Variants in CRIM1 observed in about 807,000 individuals in gnomAD.
CRIM1 encodes the protein cysteine rich transmembrane BMP regulator 1, also known as cysteine-rich motor neuron 1 protein.
In CRIM1, 32 loss-of-function variants were observed where a neutral mutation model predicts 116.4. That is an observed-to-expected ratio of 0.27 (90% CI 0.21 to 0.37). The LOEUF (loss-of-function observed/expected upper bound fraction) is 0.37, where lower values mean the gene tolerates loss of function less well. Ranked by LOEUF, CRIM1 falls within the 10% of genes least tolerant of loss-of-function variation. The pLI, the probability that CRIM1 is intolerant of heterozygous loss-of-function variation, is 1.00. For missense variants in CRIM1, 1,331 were observed against 1,354.8 expected, an observed-to-expected ratio of 0.98 and a Z score of 0.28; for synonymous variants, 590 against 509.2, an observed-to-expected ratio of 1.16 and a Z score of -2.13.
At chr2:36,434,899 C>T (rs556807260) in intron 2 of CRIM1, among the ~76,000 whole-genome samples, 2 of 152,214 alleles carry the variant, frequency 1.3e-5, no homozygotes, top group African/African-American at 4.8e-5. Context: ...TGCTTTCTCC[C>T]TTCTTTCATG....
intron 5 of CRIM1, among the ~76,000 whole-genome samples, chr2:36,474,115 A>C (rs995440401): frequency 6.6e-6 from 1 of 152,054 alleles, no homozygotes; most frequent in Non-Finnish European, 1.5e-5. Context: ...GCATCTTTTC[A>C]TGTGTTTATT....
At chr2:36,383,559 T>C (rs1198107135) in intron 1 of CRIM1, among the ~76,000 whole-genome samples, 2 of 152,214 alleles carry the variant, frequency 1.3e-5, no homozygotes, top group African/African-American at 4.8e-5. Context: ...CTCATTTATT[T>C]ACTTCAGCAA....
chr2:36,499,173 G>C, intron 7 of CRIM1, 46 bp from the exon 8 acceptor site: 1 of 1,467,716 alleles, frequency 6.8e-7, no homozygotes, highest in Non-Finnish European at 9.5e-7. Context: ...CATCTAAAAG[G>C]TAATCATATG....
intron 13 of CRIM1, among the ~76,000 whole-genome samples, chr2:36,526,652 C>T (rs999574636): frequency 3.3e-5 from 5 of 152,112 alleles, no homozygotes; most frequent in Non-Finnish European, 5.9e-5. Flanking sequence ...CTCTAATGTT[C>T]GTGTTGGTGA....
chr2:36,435,911 T>A (rs1430831986), intron 2 of CRIM1, among the ~76,000 whole-genome samples: 1 of 123,434 alleles, frequency 8.1e-6, no homozygotes, highest in Non-Finnish European at 1.6e-5. Flanking sequence ...TTGGTCTTTC[T>A]ATATCTGGGC....
intron 2 of CRIM1, among the ~76,000 whole-genome samples, chr2:36,421,362 CACTATT>C (rs1674051563): frequency 6.6e-6 from 1 of 152,104 alleles, no homozygotes; most frequent in African/African-American, 2.4e-5. Context: ...AATGCTTACT[CACTATT>C]ACAATTAATC....
intron 1 of CRIM1, among the ~76,000 whole-genome samples, chr2:36,367,268 A>G (rs1669661350): frequency 6.6e-6 from 1 of 152,236 alleles, no homozygotes; most frequent in African/African-American, 2.4e-5. Flanking sequence ...GAAAGACCAA[A>G]TAAATTTCTG....
At chr2:36,440,177 A>C (rs1432969180) in intron 2 of CRIM1, among the ~76,000 whole-genome samples, 1 of 152,220 alleles carries the variant, frequency 6.6e-6, no homozygotes, top group African/African-American at 2.4e-5. Flanking sequence ...CAATGACCTT[A>C]GCCAGGTCAC....
At chr2:36,406,622 T>A (rs1017245886) in intron 2 of CRIM1, among the ~76,000 whole-genome samples, 3 of 105,964 alleles carry the variant, frequency 2.8e-5, no homozygotes, top group Non-Finnish European at 5.7e-5. Flanking sequence ...ATTTGACCCC[T>A]CCCCCCCCCC....
At chr2:36,502,190 A>G (rs1027079021) in intron 8 of CRIM1, among the ~76,000 whole-genome samples, 1 of 152,194 alleles carries the variant, frequency 6.6e-6, no homozygotes, top group Non-Finnish European at 1.5e-5. Context: ...GACTTCGGTC[A>G]CTTCACACGG....
chr2:36,458,324 C>A (rs1427770860), intron 4 of CRIM1, among the ~76,000 whole-genome samples: 1 of 152,172 alleles, frequency 6.6e-6, no homozygotes, highest in Non-Finnish European at 1.5e-5. Context: ...AGGGGCATTC[C>A]TGTTCTTTGC....
intron 13 of CRIM1, 57 bp downstream of exon 13, chr2:36,522,370 T>A (rs780335838): frequency 4.6e-6 from 6 of 1,313,746 alleles, no homozygotes; most frequent in Non-Finnish European, 6.6e-6. Context: ...AAATCTGTAT[T>A]GACAGCCATT....
At chr2:36,437,545 G>C (rs1190828009) in intron 2 of CRIM1, among the ~76,000 whole-genome samples, 1 of 138,184 alleles carries the variant, frequency 7.2e-6, no homozygotes, top group Admixed American at 7.6e-5. Flanking sequence ...TAGAACACAA[G>C]GATGATTTAA....
intron 14 of CRIM1, among the ~76,000 whole-genome samples, chr2:36,540,464 T>C (rs369589809): frequency 6.6e-6 from 1 of 152,136 alleles, no homozygotes; most frequent in African/African-American, 2.4e-5. Context: ...GCTGTCTTCA[T>C]TGGAGTGAAG....
intron 13 of CRIM1, among the ~76,000 whole-genome samples, chr2:36,535,680 T>C (rs1666497625): frequency 6.6e-6 from 1 of 152,206 alleles, no homozygotes; most frequent in Non-Finnish European, 1.5e-5. Context: ...TCCCAATGGA[T>C]TGAGATTTGT....
intron 2 of CRIM1, among the ~76,000 whole-genome samples, chr2:36,435,557 A>G (rs1167797218): frequency 2.0e-5 from 3 of 152,010 alleles, no homozygotes; most frequent in Non-Finnish European, 2.9e-5. Context: ...TTTTAAGCAG[A>G]AGCTCTTGCA....
intron 1 of CRIM1, among the ~76,000 whole-genome samples, chr2:36,373,231 C>A (rs1035696385): frequency 6.6e-6 from 1 of 152,156 alleles, no homozygotes; most frequent in African/African-American, 2.4e-5. Context: ...GCACACTTTT[C>A]CTCAGACATT....
intron 7 of CRIM1, among the ~76,000 whole-genome samples, chr2:36,484,596 G>A (rs962233415): frequency 1.2e-4 from 18 of 152,132 alleles, no homozygotes; most frequent in African/African-American, 3.6e-4. Flanking sequence ...GCTTCCTGGG[G>A]ACTTTGAAGT....
chr2:36,371,962 C>T (rs920345356), intron 1 of CRIM1, among the ~76,000 whole-genome samples: 3 of 152,194 alleles, frequency 2.0e-5, no homozygotes, highest in Non-Finnish European at 2.9e-5. Flanking sequence ...GAATTCTCAG[C>T]TAATCCAGGA....
Sources: allele counts gnomAD v4.1 joint callset (sites outside exome capture counted in the v4.1 genomes callset), GRCh38; gene constraint gnomAD v4.1.1; transcripts MANE v1.5; gene names NCBI Gene and HGNC (gene_info 2026-07-23, HGNC 2026-07-21).